PRKCB: variants seen among roughly 807,000 people sequenced by gnomAD.
PRKCB encodes protein kinase C beta, also known as protein kinase C beta type.
PRKCB carries 13 observed loss-of-function variants against 81.5 expected under a neutral mutation model. The ratio of observed to expected loss-of-function variants is 0.16; its 90% CI spans 0.10 to 0.25. The LOEUF is 0.25. Ranked by LOEUF, PRKCB falls within the 10% of genes least tolerant of loss-of-function variation. The pLI is 1.00. For synonymous variants in PRKCB, 335 were observed against 321.4 expected, an observed-to-expected ratio of 1.04 and a Z score of -0.45; for missense variants, 509 against 875.7, an observed-to-expected ratio of 0.58 and a Z score of 5.29.
At chr16:24,159,898 T>G (rs1161579581) in intron 10 of PRKCB, among the ~76,000 whole-genome samples, 1 of 151,716 alleles carries the variant, frequency 6.6e-6, no homozygotes, top group Non-Finnish European at 1.5e-5. Context: ...GGTGGGAGGG[T>G]CAACTGAGCC....
chr16:23,951,182 C>T (rs931558149), intron 2 of PRKCB, among the ~76,000 whole-genome samples: 4 of 152,232 alleles, frequency 2.6e-5, no homozygotes, highest in Non-Finnish European at 5.9e-5. Flanking sequence ...TGAGAGCAAT[C>T]GAATGCCCAT....
intron 10 of PRKCB, among the ~76,000 whole-genome samples, chr16:24,167,664 G>C (rs968103051): frequency 2.0e-5 from 3 of 152,102 alleles, no homozygotes; most frequent in Non-Finnish European, 4.4e-5. Flanking sequence ...CTCCCATCCT[G>C]GACTGGAAGC....
At chr16:24,182,307 G>C (rs369266609) in intron 13 of PRKCB, among the ~76,000 whole-genome samples, 1 of 152,012 alleles carries the variant, frequency 6.6e-6, no homozygotes, top group Admixed American at 6.6e-5. Flanking sequence ...TCGCTTGAGG[G>C]TAGAAGTTTG....
intron 2 of PRKCB, among the ~76,000 whole-genome samples, chr16:23,863,731 G>C (rs1245599870): frequency 2.0e-5 from 3 of 152,120 alleles, no homozygotes; most frequent in Non-Finnish European, 4.4e-5. Flanking sequence ...TTCCAATCAG[G>C]GTTCCTGGAC....
At chr16:23,960,132 T>C (rs1027168471) in intron 2 of PRKCB, among the ~76,000 whole-genome samples, 2 of 152,152 alleles carry the variant, frequency 1.3e-5, no homozygotes, top group African/African-American at 2.4e-5. Context: ...CCAGGGCCCA[T>C]CCTCAACCAA....
intron 2 of PRKCB, among the ~76,000 whole-genome samples, chr16:23,955,246 A>G (rs1964335353): frequency 6.6e-6 from 1 of 152,042 alleles, no homozygotes; most frequent in African/African-American, 2.4e-5. Context: ...ACACACACAC[A>G]CACACAGCCA....
chr16:23,889,920 G>C (rs1228322728), intron 2 of PRKCB, among the ~76,000 whole-genome samples: 1 of 151,876 alleles, frequency 6.6e-6, no homozygotes, highest in Non-Finnish European at 1.5e-5. Context: ...CCTATTACTA[G>C]CTGGCATTTT....
rs140957380 is a variant in PRKCB at position 24,217,865 on chromosome 16, C to T, written c.*3049C>T. 9.1e-6 allele frequency: 9 copies of T among 985,396 alleles called. No homozygotes were observed. The East Asian group carries it at 9.1e-4, about 100-fold the overall frequency. The allele number at this position is 985,396 out of a possible 1,614,324, so 61.0% of individuals were successfully genotyped here. ...TCTCAGACCTTTAGGGGCCCTAACACAGTTCAGTTCATACAGGGGTTCAAA... is the reference window on the plus strand; with the variant it reads ...TCTCAGACCTTTAGGGGCCCTAACATAGTTCAGTTCATACAGGGGTTCAAA... On this transcript the variant is annotated 3_prime_UTR_variant, in exon 17 of 17. Coordinates refer to ENST00000643927, the MANE Select transcript of PRKCB (RefSeq NM_002738.7).
At chr16:24,064,704 T>C (rs1379236178) in intron 5 of PRKCB, among the ~76,000 whole-genome samples, 1 of 152,120 alleles carries the variant, frequency 6.6e-6, no homozygotes, top group Non-Finnish European at 1.5e-5. Context: ...TGGGTTTTTT[T>C]CCTTTCAGTT....
intron 7 of PRKCB, among the ~76,000 whole-genome samples, chr16:24,112,547 C>CAACAACAAT (rs58419804): frequency 0.02 from 3,071 of 152,024 alleles, 103 homozygotes; most frequent in African/African-American, 0.07. Flanking sequence ...CTAAAAGCAA[C>CAACAACAAT]AACAACAATA....
chr16:24,039,753 A>C (rs1965675865), intron 5 of PRKCB, among the ~76,000 whole-genome samples: 1 of 152,202 alleles, frequency 6.6e-6, no homozygotes, highest in Non-Finnish European at 1.5e-5. Flanking sequence ...GGATGGGTGC[A>C]TTGGCCAGCA....
chr16:24,170,760 C>A (rs1300286429), intron 10 of PRKCB, among the ~76,000 whole-genome samples: 1 of 152,236 alleles, frequency 6.6e-6, no homozygotes, highest in African/African-American at 2.4e-5. Flanking sequence ...TATTAAGAGA[C>A]AGAGCTGGAT....
chr16:24,027,153 C>T (rs972229076), intron 3 of PRKCB, among the ~76,000 whole-genome samples: 1 of 152,096 alleles, frequency 6.6e-6, no homozygotes, highest in Non-Finnish European at 1.5e-5. Flanking sequence ...TAGTCCCCCA[C>T]CCCCCGACAG....
At chr16:24,201,037 C>G (rs1967949003) in intron 16 of PRKCB, among the ~76,000 whole-genome samples, 1 of 152,154 alleles carries the variant, frequency 6.6e-6, no homozygotes, top group Non-Finnish European at 1.5e-5. Flanking sequence ...CCGTCAGCTT[C>G]TTACCACCTA....
chr16:23,958,595 G>A (rs760842602), intron 2 of PRKCB, among the ~76,000 whole-genome samples: 5 of 152,072 alleles, frequency 3.3e-5, no homozygotes, highest in Non-Finnish European at 5.9e-5. Flanking sequence ...GAGCCACTGC[G>A]CCCAGCCTCT....
intron 7 of PRKCB, among the ~76,000 whole-genome samples, chr16:24,094,904 GAC>G (rs1490370645): frequency 1.3e-5 from 2 of 151,624 alleles, no homozygotes; most frequent in Non-Finnish European, 2.9e-5. Flanking sequence ...AAGAAAGAAA[GAC>G]GGAAAGCAGG....
intron 5 of PRKCB, among the ~76,000 whole-genome samples, chr16:24,048,180 G>A (rs183582941): frequency 1.3e-5 from 2 of 152,328 alleles, no homozygotes; most frequent in East Asian, 3.9e-4. Flanking sequence ...CAGGCACTGG[G>A]CGAAGCACGT....
intron 3 of PRKCB, among the ~76,000 whole-genome samples, chr16:23,996,781 C>A (rs1303696369): frequency 6.6e-6 from 1 of 152,190 alleles, no homozygotes; most frequent in Non-Finnish European, 1.5e-5. Context: ...CATTCTGAAG[C>A]AGCTGGCTTG....
chr16:24,107,519 A>C (rs992072110), intron 7 of PRKCB, among the ~76,000 whole-genome samples: 3 of 152,220 alleles, frequency 2.0e-5, no homozygotes, highest in African/African-American at 4.8e-5. Flanking sequence ...AGACAGGTCC[A>C]TAACAGGCAC....
Sources: gnomAD v4.1 joint callset for allele counts (sites outside exome capture counted in the v4.1 genomes callset) on GRCh38, gnomAD v4.1.1 for gene constraint, MANE v1.5 for transcripts, NCBI Gene and HGNC (gene_info 2026-07-23, HGNC 2026-07-21) for gene names.